The following NR5A2 variants were observed in gnomAD, a reference collection of about 807,000 sequenced individuals.
NR5A2 encodes nuclear receptor subfamily 5 group A member 2, also known as CYP7A promoter-binding factor.
In NR5A2, 26 loss-of-function variants were observed where a neutral mutation model predicts 62.7. That is an observed-to-expected ratio of 0.41 (90% CI 0.30 to 0.58). The LOEUF is 0.58. Among genes scored for constraint, NR5A2 ranks in the 20% least tolerant of loss-of-function variants. The pLI is 0.22. For synonymous variants in NR5A2, 246 were observed against 241.7 expected (o/e 1.02, Z -0.16); for missense variants, 541 against 669.1 (o/e 0.81, Z 2.11).
intron 5 of NR5A2, among the ~76,000 whole-genome samples, chr1:200,052,916 A>AG (rs1318666103): frequency 3.3e-5 from 5 of 152,210 alleles, no homozygotes; most frequent in Non-Finnish European, 7.3e-5. Flanking sequence ...CTGGGATTAT[A>AG]GGCATGAGCC....
At chr1:200,058,544 A>C (rs1449406924) in intron 5 of NR5A2, 1 of 151,756 alleles carries the variant, frequency 6.6e-6, no homozygotes, top group Non-Finnish European at 1.5e-5. Flanking sequence ...GCAGTGTCGC[A>C]ATCTCAGCTC....
chr1:200,151,463 T>C (rs1452201185), intron 7 of NR5A2, among the ~76,000 whole-genome samples: 1 of 152,242 alleles, frequency 6.6e-6, no homozygotes, highest in Non-Finnish European at 1.5e-5. Context: ...CTTTCATTAC[T>C]GTGTACATCA....
At chr1:200,072,078 A>G (rs878915921) in intron 5 of NR5A2, among the ~76,000 whole-genome samples, 1 of 152,176 alleles carries the variant, frequency 6.6e-6, no homozygotes, top group Admixed American at 6.5e-5. Context: ...AATTGCTTAT[A>G]AAGAGGTAGG....
chr1:200,163,052 T>A (rs1462313521), intron 7 of NR5A2, among the ~76,000 whole-genome samples: 9 of 152,048 alleles, frequency 5.9e-5, no homozygotes, highest in African/African-American at 1.9e-4. Context: ...GTTCAACACA[T>A]GGAAAAGTCC....
rs1203358545 is a variant in NR5A2 at position 200,043,778 on chromosome 1, T to A, written c.207T>A (p.Ser69=). Residue 69 remains serine, a synonymous_variant, in exon 3 of 8, where the codon TCT becomes TCA. Transcript: ENST00000367362. ...ACATTTCTCTTTTTGTTTCAGTGTC[T>A]CAATTTAAAATGGTGAATTACTCCT... ...QGQMPENMQV[S]QFKMVNYSYD... 1 of 1,600,588 alleles carries A rather than the reference T, an allele frequency of 6.2e-7. No individual in the cohort carries two copies. Among genetic ancestry groups the A allele is most frequent in the East Asian group, 2.2e-5 (1 of 44,818 alleles).
At chr1:200,042,687 G>T in intron 2 of NR5A2, 1 of 425,756 alleles carries the variant, frequency 2.3e-6, no homozygotes, top group Non-Finnish European at 3.1e-6. Context: ...TGCGGGCAGG[G>T]TCCCGGCTGC....
chr1:200,073,791 G>T (rs1228611434), intron 5 of NR5A2, among the ~76,000 whole-genome samples: 4 of 152,096 alleles, frequency 2.6e-5, no homozygotes, highest in African/African-American at 9.7e-5. Flanking sequence ...GCCTCAATAT[G>T]CCAGGCACAT....
intron 7 of NR5A2, among the ~76,000 whole-genome samples, 153 bp downstream of exon 7, chr1:200,121,108 A>G (rs1452340690): frequency 6.6e-6 from 1 of 152,212 alleles, no homozygotes; most frequent in Non-Finnish European, 1.5e-5. Context: ...ATATTTTCAT[A>G]TATATTTCTG....
intron 7 of NR5A2, among the ~76,000 whole-genome samples, chr1:200,164,362 G>A (rs1653795426): frequency 6.6e-6 from 1 of 152,188 alleles, no homozygotes; most frequent in East Asian, 1.9e-4. Flanking sequence ...TTCTTGGGAG[G>A]AACACACAGA....
At chr1:200,154,607 T>C (rs976455374) in intron 7 of NR5A2, among the ~76,000 whole-genome samples, 6 of 152,200 alleles carry the variant, frequency 3.9e-5, no homozygotes, top group South Asian at 2.1e-4. Flanking sequence ...TAGCCCCAGC[T>C]ACTGCAGAGG....
At chr1:200,131,056 AT>A (rs1255323453) in intron 7 of NR5A2, among the ~76,000 whole-genome samples, 1 of 152,240 alleles carries the variant, frequency 6.6e-6, no homozygotes, top group African/African-American at 2.4e-5. Context: ...CCTGAGGGTA[AT>A]GCTGGCAAAT....
At chr1:200,132,913 T>A (rs892236454) in intron 7 of NR5A2, among the ~76,000 whole-genome samples, 5 of 152,118 alleles carry the variant, frequency 3.3e-5, no homozygotes, top group African/African-American at 1.2e-4. Flanking sequence ...TCCCAGAACA[T>A]CAGCATGGAA....
intron 5 of NR5A2, among the ~76,000 whole-genome samples, chr1:200,108,412 CCTT>C (rs1327894134): frequency 1.8e-4 from 27 of 152,116 alleles, no homozygotes; most frequent in African/African-American, 6.5e-4. Flanking sequence ...CACCTTTTCT[CCTT>C]CTGTTCATGG....
At chr1:200,032,863 T>A (rs1371996397) in intron 1 of NR5A2, among the ~76,000 whole-genome samples, 1 of 152,230 alleles carries the variant, frequency 6.6e-6, no homozygotes, top group Non-Finnish European at 1.5e-5. Context: ...TTCTCCAAAG[T>A]GGTAACCACT....
At chr1:200,160,190 A>G (rs1314762751) in intron 7 of NR5A2, among the ~76,000 whole-genome samples, 2 of 152,234 alleles carry the variant, frequency 1.3e-5, no homozygotes, top group Non-Finnish European at 2.9e-5. Flanking sequence ...TCCATGGAGT[A>G]TCATGAATAG....
rs201958816 is a variant in NR5A2 at position 200,119,872 on chromosome 1, G to A, written c.1231-936G>A. On this transcript the variant is annotated intron_variant, in intron 6 of 7. Transcript: ENST00000367362. ...GATCCGCCCACCTCGGCCTCCCAAA[G>A]TGCTGGGATTACAGGCATGAGCCAC... Among the ~76,000 whole-genome samples, 66 of 151,730 alleles carry A rather than the reference G, an allele frequency of 4.3e-4. No homozygotes were observed. In the East Asian group the frequency reaches 0.012, roughly 29 times the overall value.
chr1:200,125,265 T>C (rs1353940556), intron 7 of NR5A2, among the ~76,000 whole-genome samples: 1 of 152,266 alleles, frequency 6.6e-6, no homozygotes. Flanking sequence ...TAAGTAATAG[T>C]AGTTAAGACA....
At chr1:200,154,825 T>C (rs1653302759) in intron 7 of NR5A2, among the ~76,000 whole-genome samples, 3 of 152,358 alleles carry the variant, frequency 2.0e-5, no homozygotes, top group South Asian at 4.1e-4. Context: ...GTCCAGTTCA[T>C]GTTGACTGCT....
intron 1 of NR5A2, among the ~76,000 whole-genome samples, chr1:200,035,167 G>GA (rs1206805748): frequency 3.3e-5 from 5 of 152,034 alleles, no homozygotes; most frequent in Non-Finnish European, 7.4e-5. Context: ...ATGGAGATCT[G>GA]AAAAAAATCT....
Sources: gnomAD v4.1 joint callset for allele counts (sites outside exome capture counted in the v4.1 genomes callset) on GRCh38, gnomAD v4.1.1 for gene constraint, MANE v1.5 for transcripts, NCBI Gene and HGNC (gene_info 2026-07-23, HGNC 2026-07-21) for gene names.